The following LRRTM4 variants were observed in gnomAD, a reference collection of about 807,000 sequenced individuals.
The protein encoded by LRRTM4 is leucine-rich repeat transmembrane neuronal protein 4.
Under a neutral mutation model 47.6 loss-of-function variants are expected in LRRTM4, and 25 were observed. The observed-to-expected ratio is 0.53, with a 90% CI of 0.38 to 0.73. LRRTM4 has a LOEUF of 0.73. Ranked by LOEUF, LRRTM4 falls within the 30% of genes least tolerant of loss-of-function variation. The pLI is 0.00. For synonymous variants in LRRTM4, 311 were observed against 269.5 expected (o/e 1.15, Z -1.51); for missense variants, 638 against 713.4 (o/e 0.89, Z 1.20).
At chr2:77,339,019 T>A (rs1671269426) in intron 3 of LRRTM4, among the ~76,000 whole-genome samples, 1 of 151,952 alleles carries the variant, frequency 6.6e-6, no homozygotes, top group South Asian at 2.1e-4. Flanking sequence ...AAATATCGCA[T>A]GTTCCCATTT....
intron 3 of LRRTM4, among the ~76,000 whole-genome samples, chr2:77,113,967 T>C (rs1265900962): frequency 6.6e-6 from 1 of 151,968 alleles, no homozygotes; most frequent in African/African-American, 2.4e-5. Context: ...TAAAATAAGA[T>C]CACCAGGGGG....
chr2:77,362,111 A>AAGAG (rs199691221), intron 3 of LRRTM4, among the ~76,000 whole-genome samples: 1 of 134,658 alleles, frequency 7.4e-6, no homozygotes. Context: ...GAAAGAAAGA[A>AAGAG]AGAGAGAAAG....
chr2:77,154,571 G>A (rs1418313525), intron 3 of LRRTM4, among the ~76,000 whole-genome samples: 5 of 151,982 alleles, frequency 3.3e-5, no homozygotes, highest in Admixed American at 6.5e-5. Flanking sequence ...TTTCCAAAAT[G>A]AATAAAAAGC....
At chr2:77,099,980 G>C (rs548741237) in intron 3 of LRRTM4, among the ~76,000 whole-genome samples, 1 of 152,058 alleles carries the variant, frequency 6.6e-6, no homozygotes, top group South Asian at 2.1e-4. Flanking sequence ...TTTTTTAATA[G>C]CAGAATTCTT....
chr2:77,469,618 AT>A (rs760363542), intron 3 of LRRTM4, among the ~76,000 whole-genome samples: 14 of 152,180 alleles, frequency 9.2e-5, no homozygotes, highest in African/African-American at 3.1e-4. Flanking sequence ...ATATAAAAAG[AT>A]TTTAAGAAAG....
At chr2:76,982,054 G>C (rs889015857) in intron 3 of LRRTM4, among the ~76,000 whole-genome samples, 1 of 151,958 alleles carries the variant, frequency 6.6e-6, no homozygotes, top group East Asian at 1.9e-4. Context: ...TGTGCTCAGT[G>C]AATTTCTATT....
chr2:76,800,591 A>C (rs1190798007), intron 3 of LRRTM4, among the ~76,000 whole-genome samples: 1 of 142,844 alleles, frequency 7.0e-6, no homozygotes, highest in Non-Finnish European at 1.5e-5. Flanking sequence ...ACAAAAGCCA[A>C]AATTGACAAA....
Position 77,302,837 on chromosome 2 carries a change from A to G in LRRTM4, c.1551+215481T>C, listed in dbSNP as rs190131278. On this transcript the variant is annotated intron_variant, in intron 3 of 3. Transcript: ENST00000409884. ...ATTAGGGAAGGGAAGAGAAAGGGCT[A>G]CTTTGTGTGAAGACAATGTCAGGAT... Among the ~76,000 whole-genome samples the G allele has an allele frequency of 2.0e-3, 309 of 152,274 alleles. 2 individuals are homozygous for G. Among genetic ancestry groups the G allele is most frequent in the African/African-American group, 6.9e-3 (288 of 41,572 alleles).
At chr2:77,070,423 A>G (rs1205609186) in intron 3 of LRRTM4, among the ~76,000 whole-genome samples, 1 of 152,100 alleles carries the variant, frequency 6.6e-6, no homozygotes, top group Non-Finnish European at 1.5e-5. Context: ...TATATATTTT[A>G]AAGATAAAAC....
At chr2:77,348,406 T>C (rs1168689750) in intron 3 of LRRTM4, among the ~76,000 whole-genome samples, 2 of 151,138 alleles carry the variant, frequency 1.3e-5, no homozygotes, top group Non-Finnish European at 3.0e-5. Flanking sequence ...AAATGAAATA[T>C]AATATTTTCA....
At chr2:76,784,153 T>C (rs1297089101) in intron 3 of LRRTM4, among the ~76,000 whole-genome samples, 1 of 152,154 alleles carries the variant, frequency 6.6e-6, no homozygotes, top group African/African-American at 2.4e-5. Context: ...GTGGCTGTAA[T>C]TGTATTACAC....
chr2:77,330,714 A>T (rs1192265123), intron 3 of LRRTM4, among the ~76,000 whole-genome samples: 1 of 152,152 alleles, frequency 6.6e-6, no homozygotes, highest in Non-Finnish European at 1.5e-5. Flanking sequence ...ATTTGGATGA[A>T]TGGGTTGTTT....
chr2:77,357,430 A>T (rs1425721719), intron 3 of LRRTM4, among the ~76,000 whole-genome samples: 1 of 152,180 alleles, frequency 6.6e-6, no homozygotes, highest in Non-Finnish European at 1.5e-5. Flanking sequence ...TTGGTATTTT[A>T]ATCATTGCTT....
At chr2:77,305,913 C>T (rs1677257944) in intron 3 of LRRTM4, among the ~76,000 whole-genome samples, 1 of 152,034 alleles carries the variant, frequency 6.6e-6, no homozygotes, top group South Asian at 2.1e-4. Flanking sequence ...TGAAGGCATA[C>T]ATAAGCCAGG....
rs1230710721 is a variant in LRRTM4 at position 77,472,201 on chromosome 2, G to A, written c.1551+46117C>T. On this transcript the variant is annotated intron_variant, in intron 3 of 3. Coordinates refer to ENST00000409884, the MANE Select transcript of LRRTM4 (RefSeq NM_001134745.3). Reference sequence around the variant, plus strand: ...CTGAAGTGTGGTCTAGTGTTGCTCAGTGAGAGAAGACTGCAATGTACCTGA... The same window carrying A: ...CTGAAGTGTGGTCTAGTGTTGCTCAATGAGAGAAGACTGCAATGTACCTGA... Among the ~76,000 whole-genome samples, 4 of 152,160 alleles carry A rather than the reference G, an allele frequency of 2.6e-5. No individual in the cohort carries two copies. In the East Asian group the frequency reaches 5.8e-4, roughly 22 times the overall value.
intron 3 of LRRTM4, among the ~76,000 whole-genome samples, chr2:76,756,614 C>A (rs1290312006): frequency 6.6e-6 from 1 of 152,116 alleles, no homozygotes; most frequent in African/African-American, 2.4e-5. Context: ...TGTTCATCTG[C>A]CTTCACCTGT....
chr2:76,898,431 A>G (rs1396781378), intron 3 of LRRTM4, among the ~76,000 whole-genome samples: 3 of 151,782 alleles, frequency 2.0e-5, no homozygotes, highest in African/African-American at 7.3e-5. Flanking sequence ...AACATTTATA[A>G]AAGTTAGTAT....
intron 3 of LRRTM4, among the ~76,000 whole-genome samples, chr2:77,007,666 C>T (rs1370706478): frequency 6.6e-6 from 1 of 152,128 alleles, no homozygotes; most frequent in Non-Finnish European, 1.5e-5. Flanking sequence ...GTAAATCTCA[C>T]CATTCAAGTC....
At chr2:77,355,746 G>C (rs1342366919) in intron 3 of LRRTM4, among the ~76,000 whole-genome samples, 1 of 152,170 alleles carries the variant, frequency 6.6e-6, no homozygotes, top group Non-Finnish European at 1.5e-5. Context: ...ATTGGCTCTG[G>C]TGCAGTGCAG....
Sources: gnomAD v4.1 joint callset for allele counts (sites outside exome capture counted in the v4.1 genomes callset) on GRCh38, gnomAD v4.1.1 for gene constraint, MANE v1.5 for transcripts, NCBI Gene and HGNC (gene_info 2026-07-23, HGNC 2026-07-21) for gene names.